Variants in KHDRBS2 observed in about 807,000 individuals in gnomAD.
KHDRBS2 encodes the protein KH domain-containing, RNA-binding, signal transduction-associated protein 2.
A neutral mutation model predicts 44.3 loss-of-function variants in KHDRBS2; 26 were observed. The observed-to-expected ratio is 0.59, with a 90% CI of 0.43 to 0.81. The LOEUF is 0.81. Ranked by LOEUF, KHDRBS2 falls within the 40% of genes least tolerant of loss-of-function variation. KHDRBS2 has a pLI of 0.00. For synonymous variants in KHDRBS2, 194 were observed against 151.1 expected, an observed-to-expected ratio of 1.28 and a Z score of -2.08; for missense variants, 476 against 433.1, an observed-to-expected ratio of 1.10 and a Z score of -0.88.
chr6:61,777,800 C>T (rs1333949367), intron 6 of KHDRBS2, among the ~76,000 whole-genome samples: 1 of 152,056 alleles, frequency 6.6e-6, no homozygotes, highest in African/African-American at 2.4e-5. Flanking sequence ...TATCACATAG[C>T]TGTAAAAACG....
At chr6:61,663,332 A>G in the KHDRBS2 span, among the ~76,000 whole-genome samples, 1 of 148,212 alleles carries the variant, frequency 6.7e-6, no homozygotes, top group African/African-American at 2.5e-5. Context: ...GCACACCAAC[A>G]TGGCACATGT....
chr6:62,062,580 G>T (rs9360290), intron 2 of KHDRBS2, among the ~76,000 whole-genome samples: 4 of 148,922 alleles, frequency 2.7e-5, no homozygotes, highest in Admixed American at 2.0e-4. Flanking sequence ...TTGAAACCAA[G>T]AAGAACAAAG....
chr6:61,640,927 A>G, the KHDRBS2 span, among the ~76,000 whole-genome samples: 1 of 151,510 alleles, frequency 6.6e-6, no homozygotes, highest in Non-Finnish European at 1.5e-5. Flanking sequence ...TTTTGTTGCT[A>G]CTTTCTTAGA....
chr6:61,739,440 A>G (rs1775841968), intron 6 of KHDRBS2, among the ~76,000 whole-genome samples: 1 of 151,908 alleles, frequency 6.6e-6, no homozygotes. Context: ...TACTGGAAGA[A>G]TATTTCCTCA....
intron 6 of KHDRBS2, among the ~76,000 whole-genome samples, chr6:61,800,712 G>C (rs1786117342): frequency 6.6e-6 from 1 of 151,922 alleles, no homozygotes; most frequent in South Asian, 2.1e-4. Context: ...CCTTATTTCT[G>C]ACCTAAGAAT....
intron 2 of KHDRBS2, among the ~76,000 whole-genome samples, chr6:62,132,004 A>T (rs1810444536): frequency 6.6e-6 from 1 of 152,210 alleles, no homozygotes; most frequent in Non-Finnish European, 1.5e-5. Flanking sequence ...ATCACTCAGT[A>T]TATTTTGATG....
At chr6:61,581,243 A>C in the KHDRBS2 span, among the ~76,000 whole-genome samples, 1 of 152,130 alleles carries the variant, frequency 6.6e-6, no homozygotes, top group Non-Finnish European at 1.5e-5. Context: ...CACAATGTGC[A>C]TTGTGTCCTC....
chr6:61,816,428 A>G (rs1788948075), intron 6 of KHDRBS2, among the ~76,000 whole-genome samples: 2 of 152,062 alleles, frequency 1.3e-5, no homozygotes, highest in African/African-American at 4.8e-5. Context: ...AGACAGAGGA[A>G]GAAACTGGAG....
the KHDRBS2 span, among the ~76,000 whole-genome samples, chr6:61,577,907 G>C: frequency 6.6e-6 from 1 of 152,052 alleles, no homozygotes; most frequent in African/African-American, 2.4e-5. Flanking sequence ...ATTCAATGAT[G>C]ATTTCACAAA....
chr6:61,628,419 G>T, the KHDRBS2 span, among the ~76,000 whole-genome samples: 1 of 151,954 alleles, frequency 6.6e-6, no homozygotes. Flanking sequence ...TGTATATGTT[G>T]AATAAATGTC....
At chr6:61,556,091 G>T in the KHDRBS2 span, among the ~76,000 whole-genome samples, 2 of 152,210 alleles carry the variant, frequency 1.3e-5, no homozygotes, top group Non-Finnish European at 2.9e-5. Context: ...GTGGGCATTG[G>T]CAGTGGCAGC....
At chr6:61,925,675 T>C (rs907878823) in intron 4 of KHDRBS2, among the ~76,000 whole-genome samples, 10 of 151,316 alleles carry the variant, frequency 6.6e-5, no homozygotes, top group African/African-American at 2.4e-4. Flanking sequence ...TGAGCCTTGA[T>C]TGGACCACTG....
At chr6:62,013,469 T>A (rs1780659362) in intron 3 of KHDRBS2, among the ~76,000 whole-genome samples, 1 of 143,774 alleles carries the variant, frequency 7.0e-6, no homozygotes, top group South Asian at 2.3e-4. Flanking sequence ...TTGGCCTCTT[T>A]CATTTAAAAT....
At chr6:61,700,940 G>A (rs1304814732) in intron 7 of KHDRBS2, among the ~76,000 whole-genome samples, 1 of 151,860 alleles carries the variant, frequency 6.6e-6, no homozygotes. Context: ...TTGAGTCACT[G>A]AATTTTGAGC....
chr6:61,761,926 T>C (rs931854138), intron 6 of KHDRBS2, among the ~76,000 whole-genome samples: 1 of 152,142 alleles, frequency 6.6e-6, no homozygotes, highest in African/African-American at 2.4e-5. Flanking sequence ...AACAAAAATA[T>C]CAGTTCAGCT....
chr6:61,738,789 C>G (rs79758222), intron 6 of KHDRBS2, among the ~76,000 whole-genome samples: 1 of 151,796 alleles, frequency 6.6e-6, no homozygotes, highest in East Asian at 1.9e-4. Flanking sequence ...GACTTAAACG[C>G]TTATTATTGA....
At chr6:61,736,409 T>G (rs537557104) in intron 6 of KHDRBS2, among the ~76,000 whole-genome samples, 2 of 152,032 alleles carry the variant, frequency 1.3e-5, no homozygotes, top group Admixed American at 1.3e-4. Context: ...CAGCACTCTA[T>G]CTTGAGGATC....
chr6:61,810,589 T>C (rs1787961379), intron 6 of KHDRBS2, among the ~76,000 whole-genome samples: 1 of 151,928 alleles, frequency 6.6e-6, no homozygotes, highest in Non-Finnish European at 1.5e-5. Flanking sequence ...TATATTAGAA[T>C]GAAAAAAAAT....
At position 61,860,301 on chromosome 6, in the gene KHDRBS2, A is replaced by G. The variant is rs551032400; in HGVS notation, c.810+34334T>C. Among the ~76,000 whole-genome samples, 25 of 152,040 alleles carry G rather than the reference A, an allele frequency of 1.6e-4. No individual in the cohort carries two copies. The South Asian group carries it at 4.6e-3, about 28-fold the overall frequency. ...TGTGTGTCATGGGGGTTGGTTGTAC[A>G]GATTATTTCATCACCCAGGTATTAA... On this transcript the variant is annotated intron_variant, in intron 6 of 8. Transcript: ENST00000281156.
Sources: gnomAD v4.1 joint callset for allele counts (sites outside exome capture counted in the v4.1 genomes callset) on GRCh38, gnomAD v4.1.1 for gene constraint, MANE v1.5 for transcripts, NCBI Gene and HGNC (gene_info 2026-07-23, HGNC 2026-07-21) for gene names.